The following TASP1 variants were observed in gnomAD, a reference collection of about 807,000 sequenced individuals.
TASP1 encodes the protein threonine aspartase 1.
TASP1 carries 16 observed loss-of-function variants against 56.6 expected under a neutral mutation model. The ratio of observed to expected loss-of-function variants is 0.28; its 90% CI spans 0.19 to 0.43. TASP1 has a LOEUF of 0.43. TASP1 is among the 20% of genes least tolerant of loss of function. The probability of loss-of-function intolerance (pLI) is 1.00; values close to 1 mark genes in which losing one functional copy is unlikely to be tolerated. For synonymous variants in TASP1, 179 were observed against 184.2 expected (o/e 0.97, Z 0.23); for missense variants, 393 against 511.6 (o/e 0.77, Z 2.24).
At chr20:13,512,108 T>C (rs917135259) in intron 10 of TASP1, among the ~76,000 whole-genome samples, 1 of 152,192 alleles carries the variant, frequency 6.6e-6, no homozygotes, top group Non-Finnish European at 1.5e-5. Flanking sequence ...TATAATCCTT[T>C]GGGTATATAC....
At chr20:13,299,410 C>T in the TASP1 span, 1 of 1,611,556 alleles carries the variant, frequency 6.2e-7, no homozygotes, top group Non-Finnish European at 8.5e-7. The surrounding 1 kb of genome is among the most constrained non-coding windows in gnomAD (Gnocchi z 5.8). Context: ...ACAGAGAGCC[C>T]CTCGGACGAG....
chr20:13,311,206 TATAGATAGATGATAGATAGATAGATAG>T, the TASP1 span, among the ~76,000 whole-genome samples: 1 of 103,770 alleles, frequency 9.6e-6, no homozygotes, highest in African/African-American at 3.8e-5. Flanking sequence ...AAAAAATAGA[TATAGATAGATGATAGATAGATAGATAG>T]ATAGATAGAT....
At chr20:13,631,228 T>A (rs903975629) in intron 1 of TASP1, among the ~76,000 whole-genome samples, 2 of 152,302 alleles carry the variant, frequency 1.3e-5, no homozygotes, top group South Asian at 4.1e-4. Flanking sequence ...TCATTTAAAA[T>A]CAATTATATA....
the TASP1 span, among the ~76,000 whole-genome samples, chr20:13,174,648 G>A: frequency 1.3e-5 from 2 of 151,272 alleles, no homozygotes; most frequent in Admixed American, 6.6e-5. Flanking sequence ...GCAGTGAGCC[G>A]TAATGCAGCC....
chr20:13,569,730 C>T, intron 6 of TASP1, 144 bp from the exon 7 acceptor site: 1 of 615,116 alleles, frequency 1.6e-6, no homozygotes, highest in Non-Finnish European at 2.6e-6. Flanking sequence ...AGTAAGATGA[C>T]TGCATGCTAA....
At chr20:13,520,012 C>A (rs1475688416) in intron 10 of TASP1, among the ~76,000 whole-genome samples, 1 of 152,138 alleles carries the variant, frequency 6.6e-6, no homozygotes, top group Non-Finnish European at 1.5e-5. Flanking sequence ...TGAGTGAACT[C>A]CCATTCACAA....
At chr20:13,414,630 G>C (rs547435293) in intron 13 of TASP1, among the ~76,000 whole-genome samples, 55 of 152,220 alleles carry the variant, frequency 3.6e-4, no homozygotes, top group African/African-American at 1.3e-3. Flanking sequence ...AGTAGTCCAT[G>C]CACACTGGGT....
At chr20:13,109,581 T>A in the TASP1 span, among the ~76,000 whole-genome samples, 1 of 152,196 alleles carries the variant, frequency 6.6e-6, no homozygotes, top group African/African-American at 2.4e-5. Context: ...TGTTCAGAGA[T>A]CCCCAAATAT....
At chr20:13,500,285 T>C (rs2043897896) in intron 10 of TASP1, among the ~76,000 whole-genome samples, 1 of 143,956 alleles carries the variant, frequency 6.9e-6, no homozygotes, top group Admixed American at 7.1e-5. Context: ...ATACACTCAA[T>C]TTGTCATACT....
At chr20:13,535,111 A>C (rs1334870369) in intron 8 of TASP1, among the ~76,000 whole-genome samples, 1 of 152,150 alleles carries the variant, frequency 6.6e-6, no homozygotes, top group African/African-American at 2.4e-5. Context: ...GCCGGGTTCA[A>C]CATGAACAGC....
the TASP1 span, among the ~76,000 whole-genome samples, chr20:13,331,440 T>C: frequency 6.6e-6 from 1 of 152,178 alleles, no homozygotes; most frequent in Non-Finnish European, 1.5e-5. Flanking sequence ...GCATTTCCAA[T>C]AGAATAGAGG....
chr20:13,569,367 A>T, intron 7 of TASP1, 140 bp downstream of exon 7: 1 of 568,338 alleles, frequency 1.8e-6, no homozygotes, highest in Non-Finnish European at 2.8e-6. Context: ...ATAACTTTCT[A>T]CGTAGCTTTT....
chr20:13,335,661 A>G, the TASP1 span, among the ~76,000 whole-genome samples: 1 of 152,134 alleles, frequency 6.6e-6, no homozygotes, highest in South Asian at 2.1e-4. Flanking sequence ...ATATTGTATC[A>G]TGCTGTTGTG....
chr20:13,510,979 T>C (rs1212501623), intron 10 of TASP1, among the ~76,000 whole-genome samples: 3 of 152,142 alleles, frequency 2.0e-5, no homozygotes, highest in African/African-American at 7.2e-5. Context: ...GAAATTTGAT[T>C]TCCTTCTGCT....
the TASP1 span, among the ~76,000 whole-genome samples, chr20:13,326,361 G>A: frequency 6.6e-6 from 1 of 152,096 alleles, no homozygotes; most frequent in Non-Finnish European, 1.5e-5. Flanking sequence ...CATGTAGTAT[G>A]TATATGTATA....
At chr20:13,316,435 C>T in the TASP1 span, among the ~76,000 whole-genome samples, 34 of 151,842 alleles carry the variant, frequency 2.2e-4, no homozygotes, top group African/African-American at 6.0e-4. Flanking sequence ...ATTATTAACT[C>T]ATCCTATGAG....
the TASP1 span, among the ~76,000 whole-genome samples, chr20:13,150,316 T>C: frequency 5.3e-5 from 8 of 152,218 alleles, no homozygotes; most frequent in African/African-American, 1.9e-4. Flanking sequence ...ATCAGCATGT[T>C]ATAAAATTCC....
the TASP1 span, among the ~76,000 whole-genome samples, chr20:13,301,241 T>A: frequency 6.6e-6 from 1 of 152,060 alleles, no homozygotes. Context: ...CAAGCTGGAG[T>A]GCAGTGACGT....
chr20:13,234,169 G>A, the TASP1 span, among the ~76,000 whole-genome samples: 3 of 152,052 alleles, frequency 2.0e-5, no homozygotes, highest in Non-Finnish European at 2.9e-5. Flanking sequence ...TTGTATGTCC[G>A]TGTATGCCCA....
Sources: gnomAD v4.1 joint callset for allele counts (sites outside exome capture counted in the v4.1 genomes callset) on GRCh38, gnomAD v4.1.1 for gene constraint, Gnocchi (gnomAD v3.1) non-coding constraint, MANE v1.5 for transcripts, NCBI Gene and HGNC (gene_info 2026-07-23, HGNC 2026-07-21) for gene names.